Variants in C2orf92 observed in about 807,000 individuals in gnomAD.
C2orf92 encodes uncharacterized protein C2orf92.
At chr2:97,681,867 G>A (rs376659457) in intron 3 of C2orf92, among the ~76,000 whole-genome samples, 1 of 150,362 alleles carries the variant, frequency 6.7e-6, no homozygotes, top group Non-Finnish European at 1.5e-5. Flanking sequence ...AAAAAAAAAA[G>A]GGGGGGGATC....
At chr2:97,665,756 TATATATATATATA>T (rs1675209017), upstream of C2orf92, 1 of 133,526 alleles carries the variant, frequency 7.5e-6, no homozygotes. Flanking sequence ...TATATATATA[TATATATATATATA>T]TATATTTTGT....
At chr2:97,671,579 C>G (rs1003331583) in intron 1 of C2orf92, 4 of 398,354 alleles carry the variant, frequency 1.0e-5, no homozygotes, top group Non-Finnish European at 1.3e-5. Flanking sequence ...TCCCAGGTAA[C>G]CTGTTCCCGC....
intron 3 of C2orf92, among the ~76,000 whole-genome samples, chr2:97,679,449 G>T (rs555063408): frequency 5.3e-4 from 81 of 152,300 alleles, no homozygotes; most frequent in African/African-American, 1.9e-3. Flanking sequence ...AAAAATTTAA[G>T]ATACTAGGTG....
upstream of C2orf92, among the ~76,000 whole-genome samples, chr2:97,666,739 A>T (rs1675242807): frequency 6.8e-6 from 1 of 148,108 alleles, no homozygotes; most frequent in African/African-American, 2.5e-5. Context: ...GCTACTCCAG[A>T]GGCTGAGGTG....
At chr2:97,700,389 A>T (rs1418007600) in intron 6 of C2orf92, among the ~76,000 whole-genome samples, 3 of 152,170 alleles carry the variant, frequency 2.0e-5, no homozygotes, top group Non-Finnish European at 2.9e-5. Context: ...AGAAGAGGTT[A>T]TATCACTGCC....
chr2:97,664,661 A>C (rs995429711), intron 1 of C2orf92: 5 of 152,220 alleles, frequency 3.3e-5, no homozygotes, highest in Middle Eastern at 3.4e-3. Context: ...GTATTGCGAA[A>C]AGTTTTCAAT....
At chr2:97,680,742 C>T (rs1320272842) in intron 3 of C2orf92, among the ~76,000 whole-genome samples, 7 of 151,912 alleles carry the variant, frequency 4.6e-5, no homozygotes, top group Admixed American at 1.3e-4. Flanking sequence ...CTGGCTAACA[C>T]GGTGAAACCC....
rs966041240 is a variant in C2orf92 at position 97,688,904 on chromosome 2, T to C, written c.242T>C (p.Leu81Pro). The change falls in exon 4 of 8, where the codon CTA becomes CCA. Residue 81 changes from leucine (L) to proline (P), a missense_variant. Transcript: ENST00000627399. ...EHLAKIFDEI[L>P]LQVFPKFPYD... is the part of the protein sequence containing the mutation. ...GTTTGCTCCACTGGAGATGAAATTC[T>C]ACTGCAGGTGTTTCCAAAGTTTCCG... The C allele has an allele frequency of 1.0e-5, 4 of 398,554 alleles. No homozygotes were observed. Among genetic ancestry groups the C allele is most frequent in the African/African-American group, 8.2e-5 (4 of 48,656 alleles). 24.7% of individuals were successfully genotyped at this position (398,554 alleles called of 1,614,324 possible).
chr2:97,678,702 G>A (rs867189033), intron 3 of C2orf92, among the ~76,000 whole-genome samples: 1 of 151,882 alleles, frequency 6.6e-6, no homozygotes, highest in African/African-American at 2.4e-5. Context: ...GGGCATGGTG[G>A]CTCATTCCTG....
chr2:97,683,042 G>A (rs1675829029), intron 3 of C2orf92, among the ~76,000 whole-genome samples: 1 of 149,846 alleles, frequency 6.7e-6, no homozygotes, highest in South Asian at 2.1e-4. Flanking sequence ...GGTTGCAGAT[G>A]ACTTGATCTT....
At chr2:97,673,945 C>T (rs1675492584) in intron 1 of C2orf92, among the ~76,000 whole-genome samples, 1 of 152,214 alleles carries the variant, frequency 6.6e-6, no homozygotes, top group Admixed American at 6.5e-5. Context: ...TGGTCAAGAT[C>T]ATCCCGGTGA....
chr2:97,671,426 C>T (rs889159487), intron 1 of C2orf92: 6 of 398,350 alleles, frequency 1.5e-5, no homozygotes, highest in African/African-American at 6.2e-5. Context: ...GGATTAAAGA[C>T]GTGAGCCACG....
intron 4 of C2orf92, 90 bp downstream of exon 4, chr2:97,689,083 T>G (rs1265832991): frequency 1.0e-5 from 4 of 397,530 alleles, no homozygotes; most frequent in African/African-American, 8.2e-5. Context: ...ACTAGCAGTC[T>G]TTAAACCAAC....
chr2:97,677,837 A>T (rs1011254474), intron 3 of C2orf92: 1 of 152,202 alleles, frequency 6.6e-6, no homozygotes, highest in Non-Finnish European at 1.5e-5. Context: ...CAGGAAAACA[A>T]TGTATAAATA....
In C2orf92 at chr2:97,675,691, CTT is replaced by C. The variant is rs1675551508; in HGVS notation, c.149-153_149-152del. The C allele has an allele frequency of 1.0e-5, 4 of 396,936 alleles. No individual in the cohort carries two copies. The South Asian group carries it at 5.7e-4, about 57-fold the overall frequency. The allele number at this position is 396,936 out of a possible 1,614,324, so 24.6% of individuals were successfully genotyped here. On this transcript the variant is annotated intron_variant, in intron 2 of 7. Coordinates refer to ENST00000627399, the MANE Select transcript of C2orf92 (RefSeq NM_001351368.2). The stretch of plus-strand genomic sequence containing the variant: ...TTGGAACTTCAGATGCTTGCAGACA[CTT>C]CATGAATGCTCTGTGACACTCAGAA...
chr2:97,696,465 G>C (rs1319745999), intron 5 of C2orf92, among the ~76,000 whole-genome samples: 1 of 152,204 alleles, frequency 6.6e-6, no homozygotes, highest in Admixed American at 6.5e-5. Flanking sequence ...GGCTGGGTGT[G>C]GTGGCTCACG....
chr2:97,679,510 T>C (rs1675691041), intron 3 of C2orf92, among the ~76,000 whole-genome samples: 1 of 151,944 alleles, frequency 6.6e-6, no homozygotes, highest in South Asian at 2.1e-4. Flanking sequence ...AGGTAACCAG[T>C]AAATAATAAC....
At chr2:97,702,299 A>T (rs1676519515) in intron 7 of C2orf92, 1 of 156,844 alleles carries the variant, frequency 6.4e-6, no homozygotes, top group Non-Finnish European at 1.4e-5. Flanking sequence ...CTGGTGACTT[A>T]TTCAGGCCAC....
At chr2:97,688,016 TG>T (rs919498859) in intron 3 of C2orf92, among the ~76,000 whole-genome samples, 3 of 151,656 alleles carry the variant, frequency 2.0e-5, no homozygotes, top group African/African-American at 7.3e-5. Context: ...GATGGGAGTC[TG>T]GTTGGGGGTT....
Sources: allele counts gnomAD v4.1 joint callset (sites outside exome capture counted in the v4.1 genomes callset), GRCh38; gene constraint gnomAD v4.1.1; transcripts MANE v1.5; gene names NCBI Gene and HGNC (gene_info 2026-07-23, HGNC 2026-07-21).